RRP12: variants seen among roughly 807,000 people sequenced by gnomAD.
RRP12 encodes RRP12-like protein.
In RRP12, 78 loss-of-function variants were observed where a neutral mutation model predicts 157.3. The ratio of observed to expected loss-of-function variants is 0.50; its 90% CI spans 0.41 to 0.60. The LOEUF (loss-of-function observed/expected upper bound fraction) is 0.60. Among genes scored for constraint, RRP12 ranks in the 20% least tolerant of loss-of-function variants. RRP12 has a pLI of 0.00. For missense variants in RRP12, 1,521 were observed against 1,679.9 expected (o/e 0.91, Z 1.65); for synonymous variants, 726 against 670.9 (o/e 1.08, Z -1.27).
At chr10:97,361,255 C>G (rs1336599372) in intron 30 of RRP12, among the ~76,000 whole-genome samples, 8 of 152,318 alleles carry the variant, frequency 5.3e-5, no homozygotes, top group Non-Finnish European at 4.4e-5. Flanking sequence ...TGACAGAGCA[C>G]CTACTGTGCG....
rs375473927 is a variant in RRP12, at chr10:97,381,808, C to T, written c.1227G>A (p.Gly409=). The T allele has an allele frequency of 2.5e-6, 4 of 1,613,836 alleles. No homozygotes were observed. Among genetic ancestry groups the T allele is most frequent in the African/African-American group, 1.3e-5 (1 of 74,930 alleles). Residue 409 remains glycine (G), a synonymous_variant, in exon 11 of 34, where the codon GGG becomes GGA. Transcript: ENST00000370992. The stretch of plus-strand genomic sequence containing the variant: ...CAAAAAAGCGAGGGAGGTGGCCTAG[C>T]CCCAGGTCCCACTGCAACCTGTCAA... ...INLVRLQWDL[G]LGHLPRFFGT...
Position 97,381,669 on chromosome 10 carries a change from A to G in RRP12, c.1320+46T>C, listed in dbSNP as rs1184111144. The G allele has an allele frequency of 6.5e-6, 10 of 1,531,376 alleles. No individual in the cohort carries two copies. In the Admixed American group the frequency reaches 1.4e-4, roughly 21 times the overall value. The allele number at this position is 1,531,376 out of a possible 1,614,324, so 94.9% of individuals were successfully genotyped here. A position where few individuals can be genotyped will look rare whatever the true frequency, so the allele number is the denominator to read the frequency against. ...AGTGCTGGGAAAGACAGGGCAGCCC[A>G]TAGAACCCCCTGTGCTCTCTGCTTC... On this transcript the variant is annotated intron_variant, in intron 11 of 33. Coordinates refer to ENST00000370992, the MANE Select transcript of RRP12 (RefSeq NM_015179.4).
intron 9 of RRP12, among the ~76,000 whole-genome samples, chr10:97,385,683 C>T (rs968541476): frequency 6.6e-6 from 1 of 152,192 alleles, no homozygotes; most frequent in African/African-American, 2.4e-5. Context: ...TTAACTAGGT[C>T]AAGGGTCAAG....
intron 31 of RRP12, among the ~76,000 whole-genome samples, 180 bp from the exon 32 acceptor site, chr10:97,359,190 T>C (rs1843783475): frequency 6.6e-6 from 1 of 152,248 alleles, no homozygotes; most frequent in Non-Finnish European, 1.5e-5. Context: ...GTCTGGTGAT[T>C]TGACAGTTAG....
intron 2 of RRP12, among the ~76,000 whole-genome samples, chr10:97,397,769 G>T (rs941747624): frequency 6.6e-6 from 1 of 150,786 alleles, no homozygotes; most frequent in African/African-American, 2.4e-5. Context: ...AGACCAATCT[G>T]GGCAATATGG....
intron 15 of RRP12, among the ~76,000 whole-genome samples, chr10:97,374,395 T>G (rs1844245817): frequency 1.3e-5 from 2 of 152,056 alleles, no homozygotes; most frequent in Admixed American, 1.3e-4. Context: ...TTCCTAAGTT[T>G]GAGCGATCCA....
chr10:97,373,439 C>T (rs118004139), intron 17 of RRP12, 136 bp downstream of exon 17: 12,821 of 1,111,128 alleles, frequency 0.012, 90 homozygotes, highest in Non-Finnish European at 0.014. Context: ...CTGGGGTCTG[C>T]AGCAGAAGCA....
In RRP12 at chr10:97,377,250, C is replaced by T. The variant is rs193301200; in HGVS notation, c.1798+2043G>A. ...TAGTGTGACAGGCTGGCCATGGTGG[C>T]TCATGCCTGTACTCCCAGCACTTTG... On this transcript the variant is annotated intron_variant, in intron 15 of 33. Transcript: ENST00000370992. 4.5e-4 allele frequency among the ~76,000 whole-genome samples: 69 copies of T among 152,000 alleles called. 1 individual carries two copies. In the East Asian group the frequency reaches 0.012, roughly 26 times the overall value.
chr10:97,371,159 T>C (rs2133048515), intron 20 of RRP12, 78 bp from the exon 21 acceptor site: 2 of 1,470,924 alleles, frequency 1.4e-6, no homozygotes, highest in African/African-American at 1.4e-5. Flanking sequence ...CCCCCAGCAC[T>C]GGAGGGATTC....
At chr10:97,386,997 AAAAG>A (rs372567011) in intron 8 of RRP12, among the ~76,000 whole-genome samples, 11 of 152,186 alleles carry the variant, frequency 7.2e-5, no homozygotes, top group African/African-American at 2.2e-4. Flanking sequence ...CACAAAAAAA[AAAAG>A]AGAGAGAACA....
chr10:97,386,882 C>T (rs1464737934), intron 8 of RRP12, among the ~76,000 whole-genome samples: 1 of 151,816 alleles, frequency 6.6e-6, no homozygotes, highest in Non-Finnish European at 1.5e-5. Context: ...CCCAGCTACT[C>T]GGGAGGCTGA....
intron 29 of RRP12, among the ~76,000 whole-genome samples, chr10:97,365,572 G>A (rs1241195131): frequency 2.0e-5 from 3 of 152,020 alleles, no homozygotes; most frequent in African/African-American, 2.4e-5. Flanking sequence ...CACGCCTGGC[G>A]AAGACCTAAG....
Position 97,358,520 on chromosome 10 carries a change from C to T in RRP12, c.3791+17G>A. The T allele has an allele frequency of 6.2e-7, 1 of 1,605,294 alleles. No homozygotes were observed. Among genetic ancestry groups the T allele is most frequent in the Non-Finnish European group, 8.5e-7 (1 of 1,172,016 alleles). On this transcript the variant is annotated intron_variant, in intron 33 of 33. Coordinates refer to ENST00000370992, the MANE Select transcript of RRP12 (RefSeq NM_015179.4). ...ACCCATCCTCCAGCCCCCAGCCTGC[C>T]TGGCACAGCGTCATACCTGCGGTTG... is the stretch of plus-strand genomic sequence containing the variant.
rs1844134838 is a variant in RRP12, at chr10:97,370,995, C to A, written c.2430G>T (p.Val810=). ...ASPQGPGALF[V]QSHLEDLKKT... ...TCTTCAGGTCCTCCAGGTGGCTCTGCACGAAGAGGGCCCCGGGGCCCTGAG... is the reference window on the plus strand; with the variant it reads ...TCTTCAGGTCCTCCAGGTGGCTCTGAACGAAGAGGGCCCCGGGGCCCTGAG... Residue 810 remains valine (V), a synonymous_variant, in exon 21 of 34, where the codon GTG becomes GTT. Transcript: ENST00000370992. 2 of 1,613,848 alleles carry A rather than the reference C, an allele frequency of 1.2e-6. No homozygotes were observed. Among genetic ancestry groups the A allele is most frequent in the African/African-American group, 2.7e-5 (2 of 74,890 alleles).
intron 8 of RRP12, among the ~76,000 whole-genome samples, chr10:97,387,715 C>T (rs1337119317): frequency 1.3e-5 from 2 of 151,046 alleles, no homozygotes; most frequent in African/African-American, 4.9e-5. Context: ...TTGAGGCGGG[C>T]AGATCACCTG....
At chr10:97,366,365 T>G in intron 28 of RRP12, 81 bp downstream of exon 28, 1 of 1,553,834 alleles carries the variant, frequency 6.4e-7, no homozygotes, top group Non-Finnish European at 8.7e-7. Flanking sequence ...CTGCCATGGA[T>G]GCCACCCCCT....
chr10:97,376,267 T>C (rs1451381146), intron 15 of RRP12, among the ~76,000 whole-genome samples: 1 of 133,654 alleles, frequency 7.5e-6, no homozygotes, highest in African/African-American at 2.9e-5. Flanking sequence ...CAGGCTGGAG[T>C]GCAGTGGTGT....
chr10:97,388,085 T>C, intron 8 of RRP12, 167 bp downstream of exon 8: 3 of 775,512 alleles, frequency 3.9e-6, no homozygotes, highest in Non-Finnish European at 6.1e-6. Context: ...GACTCTGATA[T>C]GGCCTGGCCT....
Position 97,373,577 on chromosome 10 carries a change from G to T in RRP12, c.2024C>A (p.Ala675Glu). 2.5e-6 allele frequency: 4 copies of T among 1,597,874 alleles called. No homozygotes were observed. The highest frequency in any genetic ancestry group is 3.4e-6 in the Non-Finnish European group (4 of 1,169,972). The change falls in exon 17 of 34, where the codon GCA (alanine) becomes GAA (glutamate). Residue 675 changes from alanine (A) to glutamate (E), a missense_variant and splice_region_variant. Coordinates refer to ENST00000370992, the MANE Select transcript of RRP12 (RefSeq NM_015179.4). ...CCACTCCCACAGCCCACACGTACCT[G>T]CCTGGCAGCCCTTGGTGATGAGGGT... Reference protein sequence around the residue: ...LRTLITKGCQAEADRAEVSRF... With the variant: ...LRTLITKGCQEEADRAEVSRF...
Sources: gnomAD v4.1 joint callset for allele counts (sites outside exome capture counted in the v4.1 genomes callset) on GRCh38, gnomAD v4.1.1 for gene constraint, MANE v1.5 for transcripts, NCBI Gene and HGNC (gene_info 2026-07-23, HGNC 2026-07-21) for gene names.